TNK2: variants seen among roughly 807,000 people sequenced by gnomAD.
TNK2 encodes activated CDC42 kinase 1.
TNK2 carries 83 observed loss-of-function variants against 101.8 expected under a neutral mutation model. The ratio of observed to expected loss-of-function variants is 0.82; its 90% CI spans 0.68 to 0.98. The LOEUF (loss-of-function observed/expected upper bound fraction) is 0.98. Ranked by LOEUF, TNK2 falls within the 50% of genes least tolerant of loss-of-function variation. The pLI, the probability that TNK2 is intolerant of heterozygous loss-of-function variation, is 0.00. For missense variants in TNK2, 1,665 were observed against 1,483.2 expected (o/e 1.12, Z -2.01); for synonymous variants, 804 against 633.0 (o/e 1.27, Z -4.06).
At chr3:195,908,013 ACTCAT>A (rs1183398120) in intron 1 of TNK2, 1 of 152,238 alleles carries the variant, frequency 6.6e-6, no homozygotes, top group South Asian at 2.1e-4. Flanking sequence ...TAGCTGTCAC[ACTCAT>A]CTCAGCTCAC....
At position 195,867,969 on chromosome 3, in the gene TNK2, C is replaced by A; in HGVS notation, c.2329G>T (p.Gly777Cys). ...GGCCACTGGCTGGTCTCCTCCTCGC[C>A]CGGGGGGGCTGGAGACAGCTGGACG... Reference protein sequence around the residue: ...PHVQLSPAPPGEEETSQWPGP... With the variant: ...PHVQLSPAPPCEEETSQWPGP... The change falls in exon 13 of 16, where the codon GGC becomes TGC. Residue 777 changes from glycine (G) to cysteine (C), a missense_variant. Physicochemically the swap from Gly to Cys is radical, Grantham distance 159 (BLOSUM62 -3). This residue lies in a region of TNK2 where 1,136 missense variants were observed against 894.9 expected (regional missense o/e 1.27). Transcript: ENST00000672887. 6.5e-7 allele frequency: 1 copy of A among 1,545,570 alleles called. No homozygotes were observed. The highest frequency in any genetic ancestry group is 1.2e-5 in the South Asian group (1 of 83,750).
At chr3:195,872,199 C>T (rs997420147) in intron 10 of TNK2, 77 bp downstream of exon 10, 29 of 1,502,920 alleles carry the variant, frequency 1.9e-5, no homozygotes, top group Non-Finnish European at 2.5e-5. Flanking sequence ...GAGCAGATTC[C>T]GCCCACGCGT....
intron 9 of TNK2, among the ~76,000 whole-genome samples, chr3:195,874,052 A>G (rs889317396): frequency 6.6e-6 from 1 of 152,142 alleles, no homozygotes; most frequent in Non-Finnish European, 1.5e-5. Context: ...GCACGCACAC[A>G]GCCTCCCACG....
In TNK2 at chr3:195,884,962, C is replaced by T. The variant is rs750770586; in HGVS notation, c.306G>A (p.Ser102=). 10 of 1,613,806 alleles carry T rather than the reference C, an allele frequency of 6.2e-6. No homozygotes were observed. The highest frequency in any genetic ancestry group is 2.2e-5 in the East Asian group (1 of 44,848). ...CCCCTGCTGGGCCCCCAGGGGCGGG[C>T]GAGGTCTTCCGGAAGGTGCTCTGAG... is the stretch of plus-strand genomic sequence containing the variant. The part of the protein sequence containing the change: ...HHSQSTFRKT[S]PAPGGPAGEG... Residue 102 remains serine (S), a synonymous_variant, in exon 4 of 16, where the codon TCG becomes TCA. Coordinates refer to ENST00000672887, the MANE Select transcript of TNK2 (RefSeq NM_001382273.1).
rs1177094059 is a variant in TNK2, at chr3:195,870,554, G to A, written c.1452-349C>T. 5.9e-6 allele frequency: 3 copies of A among 508,974 alleles called. No homozygotes were observed. The East Asian group carries it at 2.2e-4, about 37-fold the overall frequency. The allele number at this position is 508,974 out of a possible 1,614,324, so 31.5% of individuals were successfully genotyped here. On this transcript the variant is annotated intron_variant, in intron 10 of 15. Transcript: ENST00000672887. ...TCCTGTCCCGCAGGCCACGATGGAG[G>A]GCCTAAGAACGGGGCATCCCAGCTA...
At chr3:195,889,545 T>A (rs939365579) in intron 1 of TNK2, among the ~76,000 whole-genome samples, 1 of 152,202 alleles carries the variant, frequency 6.6e-6, no homozygotes, top group Non-Finnish European at 1.5e-5. Flanking sequence ...AACCATACCA[T>A]TCTGTTCCCT....
chr3:195,888,626 T>C lies in TNK2; in HGVS notation c.-18-20A>G, dbSNP rs772386387. 1.9e-6 allele frequency: 3 copies of C among 1,597,794 alleles called. No homozygotes were observed. Among genetic ancestry groups the C allele is most frequent in the Non-Finnish European group, 2.6e-6 (3 of 1,172,794 alleles). On this transcript the variant is annotated intron_variant, in intron 1 of 15. Coordinates refer to ENST00000672887, the MANE Select transcript of TNK2 (RefSeq NM_001382273.1). The surrounding 1 kb of genome is among the most constrained non-coding windows in gnomAD (Gnocchi z 5.3). ...CAGCCTCTGTGGGGGGAGGAGTGGC[T>C]CAGGGACAAGGGTTGTGGGGGGACA...
intron 2 of TNK2, among the ~76,000 whole-genome samples, chr3:195,887,644 AACATCATG>A (rs1756309963): frequency 6.6e-6 from 1 of 152,244 alleles, no homozygotes; most frequent in Non-Finnish European, 1.5e-5. Context: ...TTCTATGAAG[AACATCATG>A]ACTTTTAGAT....
intron 12 of TNK2, chr3:195,868,995 C>T: frequency 2.0e-6 from 1 of 499,542 alleles, no homozygotes; most frequent in Non-Finnish European, 3.5e-6. Flanking sequence ...CCTGACGCTG[C>T]CTCCACCAGC....
chr3:195,870,956 G>GT lies in TNK2; in HGVS notation c.1452-752_1452-751insA, dbSNP rs1491499681. Among the ~76,000 whole-genome samples the GT allele has an allele frequency of 2.6e-4, 38 of 146,614 alleles. 1 individual carries two copies. Among genetic ancestry groups the GT allele is most frequent in the Middle Eastern group, 3.6e-3 (1 of 278 alleles). On this transcript the variant is annotated intron_variant, in intron 10 of 15. Coordinates refer to ENST00000672887, the MANE Select transcript of TNK2 (RefSeq NM_001382273.1). ...GGGCCCGCTGTGTGGGTTCTGGTGT[G>GT]GGGGGACTCGCTGTGTGGGGTTCTG...
chr3:195,868,386 C>A lies in TNK2; in HGVS notation c.1912G>T (p.Asp638Tyr). Residue 638 changes from aspartate (D) to tyrosine (Y), a missense_variant, in exon 13 of 16, where the codon GAC (aspartate) becomes TAC (tyrosine). Transcript: ENST00000672887. ...PRPLHPTPVV[D>Y]WDARPLPPPP... ...GGGGGCAGCGGGCGTGCGTCCCAGT[C>A]CACCACAGGCGTGGGGTGCAGGGGC... 6.3e-7 allele frequency: 1 copy of A among 1,591,082 alleles called. No homozygotes were observed.
Position 195,885,284 on chromosome 3 carries a change from G to A in TNK2, c.235-251C>T. 8.0e-7 allele frequency: 1 copy of A among 1,255,152 alleles called. No individual in the cohort carries two copies. 77.8% of individuals were successfully genotyped at this position (1,255,152 alleles called of 1,614,324 possible). A position where few individuals can be genotyped will look rare whatever the true frequency, so the allele number is the denominator to read the frequency against. Reference sequence around the variant, plus strand: ...AAAGAGACCGACAGGCATGCAGCCTGTGGCTGAGCGGCCCCACACCCAGCT... The same window carrying A: ...AAAGAGACCGACAGGCATGCAGCCTATGGCTGAGCGGCCCCACACCCAGCT... On this transcript the variant is annotated intron_variant, in intron 3 of 15. Transcript: ENST00000672887. The surrounding 1 kb of genome is among the most constrained non-coding windows in gnomAD (Gnocchi z 4.7).
intron 9 of TNK2, among the ~76,000 whole-genome samples, chr3:195,874,436 A>T (rs1747697137): frequency 6.6e-6 from 1 of 152,216 alleles, no homozygotes; most frequent in Non-Finnish European, 1.5e-5. Context: ...TCGAGAAAAC[A>T]TGCTTGCTCC....
At position 195,893,037 on chromosome 3, in the gene TNK2, C is replaced by T. The variant is rs188393783; in HGVS notation, c.-18-4431G>A. Among the ~76,000 whole-genome samples the T allele has an allele frequency of 1.4e-3, 211 of 151,960 alleles. 1 individual carries two copies. Among genetic ancestry groups the T allele is most frequent in the African/African-American group, 4.9e-3 (202 of 41,418 alleles). On this transcript the variant is annotated intron_variant, in intron 1 of 15. Transcript: ENST00000672887. Reference sequence around the variant, plus strand: ...GACAACTCCTGGGACTTTAGGGTGGCGGCTATGTGACTCAAACAGCACGTA... The same window carrying T: ...GACAACTCCTGGGACTTTAGGGTGGTGGCTATGTGACTCAAACAGCACGTA...
chr3:195,887,093 C>G, intron 2 of TNK2, 46 bp from the exon 3 acceptor site: 1 of 1,600,858 alleles, frequency 6.2e-7, no homozygotes, highest in South Asian at 1.1e-5. Context: ...CCGCCGTAGC[C>G]CGAGAGAGGC....
chr3:195,901,835 TG>T (rs1761237707), intron 1 of TNK2, among the ~76,000 whole-genome samples: 1 of 152,164 alleles, frequency 6.6e-6, no homozygotes, highest in Admixed American at 6.5e-5. Flanking sequence ...CATTCACGAC[TG>T]TACTGCTTGG....
chr3:195,879,754 T>A (rs1159070017), intron 6 of TNK2, among the ~76,000 whole-genome samples: 2 of 151,998 alleles, frequency 1.3e-5, no homozygotes, highest in African/African-American at 4.8e-5. Flanking sequence ...AGGAGGGTGG[T>A]GCCCAGACAG....
rs575225777 is a variant in TNK2, at chr3:195,876,737, G to C, written c.1256+1516C>G. The C allele has an allele frequency of 6.9e-6, 3 of 433,106 alleles. No homozygotes were observed. The Admixed American group carries it at 7.5e-5, about 11-fold the overall frequency. The allele number at this position is 433,106 out of a possible 1,614,324, so 26.8% of individuals were successfully genotyped here. On this transcript the variant is annotated intron_variant, in intron 9 of 15. Transcript: ENST00000672887. ...CAGGGAACCAGCGGCTGGGGCCAAC[G>C]GGGGCCTTCGACGGAAGGGCGGGGC...
intron 2 of TNK2, among the ~76,000 whole-genome samples, chr3:195,887,975 T>C (rs1429012313): frequency 6.8e-6 from 1 of 147,142 alleles, no homozygotes; most frequent in East Asian, 2.1e-4. Flanking sequence ...TGTGTGTGTG[T>C]ATGCCTGTGC....
Sources: allele counts gnomAD v4.1 joint callset (sites outside exome capture counted in the v4.1 genomes callset), GRCh38; gene constraint gnomAD v4.1.1; regional missense constraint gnomAD v4.1.1; non-coding constraint Gnocchi (gnomAD v3.1); transcripts MANE v1.5; gene names NCBI Gene and HGNC (gene_info 2026-07-23, HGNC 2026-07-21).